NCOA1: variants seen among roughly 807,000 people sequenced by gnomAD.
NCOA1 encodes Hin-2 protein.
In NCOA1, 35 loss-of-function variants were observed where a neutral mutation model predicts 150.9. The observed-to-expected ratio is 0.23, with a 90% CI of 0.18 to 0.31. The LOEUF (loss-of-function observed/expected upper bound fraction) is 0.31, where lower values mean the gene tolerates loss of function less well. NCOA1 is among the 10% of genes least tolerant of loss of function. The probability of loss-of-function intolerance (pLI) is 1.00; values close to 1 mark genes in which losing one functional copy is unlikely to be tolerated. For synonymous variants in NCOA1, 590 were observed against 630.0 expected, an observed-to-expected ratio of 0.94 and a Z score of 0.95; for missense variants, 1,491 against 1,749.3, an observed-to-expected ratio of 0.85 and a Z score of 2.63.
At chr2:24,535,200 G>A (rs1572392634) in intron 1 of NCOA1, among the ~76,000 whole-genome samples, 2 of 152,082 alleles carry the variant, frequency 1.3e-5, no homozygotes, top group African/African-American at 4.8e-5. Flanking sequence ...TTACCATTAT[G>A]TAATGGCCTT....
intron 14 of NCOA1, among the ~76,000 whole-genome samples, chr2:24,716,856 C>T (rs553773011): frequency 6.6e-6 from 1 of 152,276 alleles, no homozygotes; most frequent in East Asian, 1.9e-4. Context: ...TCTCTAATCT[C>T]TTCCAAAAAA....
At chr2:24,742,282 G>A (rs1359362886) in intron 19 of NCOA1, 96 bp downstream of exon 19, 24 of 1,405,470 alleles carry the variant, frequency 1.7e-5, no homozygotes, top group East Asian at 4.6e-5. Context: ...AAAATAGTGT[G>A]TGGAAGAGGA....
chr2:24,697,865 A>T, intron 11 of NCOA1, 67 bp downstream of exon 11: 8 of 1,434,286 alleles, frequency 5.6e-6, no homozygotes, highest in Non-Finnish European at 5.7e-6. Flanking sequence ...TAGTTCGTAT[A>T]GAACTTATGG....
At position 24,632,262 on chromosome 2, in the gene NCOA1, C is replaced by G. The variant is rs77698272; in HGVS notation, c.-174-11704C>G. On this transcript the variant is annotated intron_variant, in intron 3 of 22. Transcript: ENST00000348332. ...GAAAGCCAGTTTTAAGGGAAGAAAGCTGATGACCAGTTGGACTGATACTGG... is the reference window on the plus strand; with the variant it reads ...GAAAGCCAGTTTTAAGGGAAGAAAGGTGATGACCAGTTGGACTGATACTGG... Among the ~76,000 whole-genome samples the G allele has an allele frequency of 5.0e-3, 766 of 152,260 alleles. 4 individuals are homozygous for G. Among genetic ancestry groups the G allele is most frequent in the African/African-American group, 0.018 (737 of 41,550 alleles).
At chr2:24,768,021 A>G (rs1423295861) in intron 22 of NCOA1, 200 bp from the exon 23 acceptor site, 1 of 1,566,480 alleles carries the variant, frequency 6.4e-7, no homozygotes. Flanking sequence ...TTTTATTTTT[A>G]AAGTGTGAAC....
intron 7 of NCOA1, among the ~76,000 whole-genome samples, chr2:24,677,430 T>A (rs1055344981): frequency 6.6e-6 from 1 of 152,012 alleles, no homozygotes; most frequent in Admixed American, 6.5e-5. Flanking sequence ...TTTGGTTGGT[T>A]GGTTTTGTTT....
chr2:24,510,226 A>G (rs1663876668), intron 1 of NCOA1, among the ~76,000 whole-genome samples: 1 of 151,880 alleles, frequency 6.6e-6, no homozygotes, highest in Admixed American at 6.6e-5. Context: ...AGTTTTTGTA[A>G]TTTTAGTAGA....
At chr2:24,582,128 A>G (rs1558811246) in intron 2 of NCOA1, among the ~76,000 whole-genome samples, 1 of 152,216 alleles carries the variant, frequency 6.6e-6, no homozygotes, top group Non-Finnish European at 1.5e-5. Context: ...AAGAGAAGGA[A>G]ATAGAAGGCA....
intron 22 of NCOA1, 167 bp from the exon 23 acceptor site, chr2:24,768,054 G>T (rs1250827802): frequency 6.2e-7 from 1 of 1,612,564 alleles, no homozygotes; most frequent in Non-Finnish European, 8.5e-7. Context: ...TGAGCAAAAT[G>T]AGTGCAGCGA....
At chr2:24,591,098 C>A (rs917636621) in intron 3 of NCOA1, among the ~76,000 whole-genome samples, 3 of 151,994 alleles carry the variant, frequency 2.0e-5, no homozygotes, top group African/African-American at 7.3e-5. Context: ...TAAGTATAAA[C>A]TTCTGGTATA....
intron 8 of NCOA1, among the ~76,000 whole-genome samples, chr2:24,687,993 A>G (rs1287681835): frequency 2.6e-5 from 4 of 152,206 alleles, no homozygotes; most frequent in African/African-American, 9.6e-5. Flanking sequence ...CTCATAAGTG[A>G]GAACATGCAG....
chr2:24,579,492 A>C (rs1229437035), intron 2 of NCOA1, among the ~76,000 whole-genome samples: 1 of 152,228 alleles, frequency 6.6e-6, no homozygotes, highest in Non-Finnish European at 1.5e-5. Context: ...AGGTTCACTC[A>C]GTTAAACTAG....
At chr2:24,697,552 TTGAG>T (rs958619160) in intron 10 of NCOA1, 102 bp from the exon 11 acceptor site, 149 of 982,922 alleles carry the variant, frequency 1.5e-4, no homozygotes, top group Middle Eastern at 9.0e-4. Flanking sequence ...CTTTTGTTTA[TTGAG>T]TATTTGGAAA....
rs1430490595 is a variant in NCOA1, at chr2:24,710,877, G to C, written c.2419-54G>C. On this transcript the variant is annotated intron_variant, in intron 13 of 22. Coordinates refer to ENST00000348332, the MANE Select transcript of NCOA1 (RefSeq NM_003743.5). ...AAGAAGCAGCATTTTTTTCTACGTT[G>C]TTTCAGGTGAAAGTGTAAAATATAT... 18 of 1,540,706 alleles carry C rather than the reference G, an allele frequency of 1.2e-5. No individual in the cohort carries two copies. The highest frequency in any genetic ancestry group is 1.1e-4 in the Admixed American group (6 of 54,982).
chr2:24,726,659 A>G lies in NCOA1; in HGVS notation c.2670A>G (p.Pro890=), dbSNP rs748406262. 9.9e-6 allele frequency: 16 copies of G among 1,611,420 alleles called. No homozygotes were observed. The highest frequency in any genetic ancestry group is 1.3e-5 in the Non-Finnish European group (15 of 1,178,790). ...AACCAGGAACAGGCGATCAGATTCC[A>G]TGGACAAATAATACAGTGACAGCTA... ...FGQPGTGDQI[P]WTNNTVTAIN... The change falls in exon 15 of 23, where the codon CCA becomes CCG. Residue 890 remains proline (P), a synonymous_variant. Coordinates refer to ENST00000348332, the MANE Select transcript of NCOA1 (RefSeq NM_003743.5).
chr2:24,692,097 CTT>C (rs1340668263), intron 9 of NCOA1, among the ~76,000 whole-genome samples: 1 of 152,118 alleles, frequency 6.6e-6, no homozygotes, highest in East Asian at 1.9e-4. Flanking sequence ...AAGGAGAAAA[CTT>C]AAGAACAGAT....
intron 8 of NCOA1, among the ~76,000 whole-genome samples, chr2:24,689,705 T>TA (rs1175681560): frequency 6.6e-6 from 1 of 152,214 alleles, no homozygotes; most frequent in Non-Finnish European, 1.5e-5. Context: ...TCCATTTTTT[T>TA]ATCATAGGGT....
intron 3 of NCOA1, among the ~76,000 whole-genome samples, chr2:24,606,658 A>G (rs1476399392): frequency 6.6e-6 from 1 of 152,020 alleles, no homozygotes; most frequent in Admixed American, 6.5e-5. Flanking sequence ...CTGTCTCCAT[A>G]TTTTCAGTCT....
At chr2:24,709,831 G>A (rs1294708099) in intron 13 of NCOA1, among the ~76,000 whole-genome samples, 1 of 152,024 alleles carries the variant, frequency 6.6e-6, no homozygotes, top group Non-Finnish European at 1.5e-5. Context: ...TCATACAGTG[G>A]GACACTATTC....
Sources: gnomAD v4.1 joint callset for allele counts (sites outside exome capture counted in the v4.1 genomes callset) on GRCh38, gnomAD v4.1.1 for gene constraint, MANE v1.5 for transcripts, NCBI Gene and HGNC (gene_info 2026-07-23, HGNC 2026-07-21) for gene names.